The following NCK2 variants were observed in gnomAD, a reference collection of about 807,000 sequenced individuals.
NCK2 encodes NCK adaptor protein 2.
In NCK2, 16 loss-of-function variants were observed where a neutral mutation model predicts 33.9. The ratio of observed to expected loss-of-function variants is 0.47; its 90% confidence interval spans 0.32 to 0.72. The LOEUF (loss-of-function observed/expected upper bound fraction) is 0.72. NCK2 is among the 30% of genes least tolerant of loss of function. The pLI, the probability that NCK2 is intolerant of heterozygous loss-of-function variation, is 0.03. For missense variants in NCK2, 418 were observed against 537.3 expected, an observed-to-expected ratio of 0.78 and a Z score of 2.19; for synonymous variants, 273 against 239.9, an observed-to-expected ratio of 1.14 and a Z score of -1.27.
intron 3 of NCK2, among the ~76,000 whole-genome samples, chr2:105,870,160 A>G (rs1035440437): frequency 2.6e-5 from 4 of 152,208 alleles, no homozygotes; most frequent in African/African-American, 7.2e-5. Flanking sequence ...CCCCACCTGT[A>G]TGGGCTGAAG....
At chr2:105,816,913 G>C (rs1438589459) in intron 2 of NCK2, among the ~76,000 whole-genome samples, 1 of 152,120 alleles carries the variant, frequency 6.6e-6, no homozygotes, top group African/African-American at 2.4e-5. Flanking sequence ...CCTGGTCCCT[G>C]TATTCTGTAT....
chr2:105,806,471 T>C (rs1033803763), intron 1 of NCK2, among the ~76,000 whole-genome samples: 4 of 152,144 alleles, frequency 2.6e-5, no homozygotes, highest in African/African-American at 9.7e-5. Context: ...TCTCTTGACC[T>C]CGTGATCCAC....
chr2:105,881,291 G>A (rs1398531110), intron 3 of NCK2, 37 bp from the exon 4 acceptor site: 3 of 1,544,290 alleles, frequency 1.9e-6, no homozygotes, highest in African/African-American at 1.4e-5. Context: ...TGGTGCCCAA[G>A]TGCCCTGCGC....
intron 1 of NCK2, among the ~76,000 whole-genome samples, chr2:105,763,414 T>C (rs1450698609): frequency 6.6e-6 from 1 of 152,194 alleles, no homozygotes; most frequent in Non-Finnish European, 1.5e-5. Flanking sequence ...AGTCATGCAG[T>C]AACGACAAAA....
At chr2:105,870,659 G>A (rs1558879288) in intron 3 of NCK2, among the ~76,000 whole-genome samples, 2 of 152,118 alleles carry the variant, frequency 1.3e-5, no homozygotes, top group Non-Finnish European at 2.9e-5. Context: ...GGAGACGGAG[G>A]CACAAGAATC....
chr2:105,855,037 T>C lies in NCK2; in HGVS notation c.-16-11T>C. The C allele has an allele frequency of 6.2e-7, 1 of 1,600,916 alleles. No homozygotes were observed. Among genetic ancestry groups the C allele is most frequent in the South Asian group, 1.1e-5 (1 of 90,782 alleles). On this transcript the variant is annotated splice_polypyrimidine_tract_variant and intron_variant, in intron 2 of 4. Transcript: ENST00000233154. Reference sequence around the variant, plus strand: ...TTCTCTAATGAGCATCTCCAAATGTTTTGCTGGCAGAAGGACTCCATGAAA... The same window carrying C: ...TTCTCTAATGAGCATCTCCAAATGTCTTGCTGGCAGAAGGACTCCATGAAA...
intron 3 of NCK2, among the ~76,000 whole-genome samples, chr2:105,866,364 C>A (rs1358962267): frequency 6.6e-6 from 1 of 151,766 alleles, no homozygotes; most frequent in Non-Finnish European, 1.5e-5. Flanking sequence ...TCCTGTTACA[C>A]AGATGGCTTC....
rs559580831 is a variant in NCK2, at chr2:105,749,803, C to T, written c.-201+4665C>T. ...ATGGGCCAGGGTTACCCTGGAAAGC[C>T]TCCTCAAGTTCAGAAAGCTTATTCC... On this transcript the variant is annotated intron_variant, in intron 1 of 4. Transcript: ENST00000233154. Among the ~76,000 whole-genome samples the T allele has an allele frequency of 9.2e-5, 14 of 152,158 alleles. No individual in the cohort carries two copies. In the South Asian group the frequency reaches 2.1e-3, roughly 23 times the overall value.
At chr2:105,760,272 G>A (rs796403018) in intron 1 of NCK2, among the ~76,000 whole-genome samples, 4 of 152,340 alleles carry the variant, frequency 2.6e-5, no homozygotes, top group African/African-American at 9.6e-5. Flanking sequence ...TGATAGGATA[G>A]GATGGTGCCC....
chr2:105,870,333 A>T (rs1677948422), intron 3 of NCK2, among the ~76,000 whole-genome samples: 1 of 152,186 alleles, frequency 6.6e-6, no homozygotes, highest in Non-Finnish European at 1.5e-5. Context: ...TCCCTCAGGG[A>T]TGGCAACTCC....
Position 105,893,230 on chromosome 2 carries a change from C to A in NCK2, c.*54C>A. 3.3e-6 allele frequency: 5 copies of A among 1,498,038 alleles called. No individual in the cohort carries two copies. The highest frequency in any genetic ancestry group is 4.5e-6 in the Non-Finnish European group (5 of 1,115,940). 92.8% of individuals were successfully genotyped at this position (1,498,038 alleles called of 1,614,324 possible). A position where few individuals can be genotyped will look rare whatever the true frequency, so the allele number is the denominator to read the frequency against. ...GGGCCCCACGGTGGAGCTGCCCGCC[C>A]GGCCTTGTGGCAGAGGCTCCTCCCG... On this transcript the variant is annotated 3_prime_UTR_variant, in exon 5 of 5. Coordinates refer to ENST00000233154, the MANE Select transcript of NCK2 (RefSeq NM_003581.5).
At chr2:105,846,319 G>A (rs545665962) in intron 2 of NCK2, among the ~76,000 whole-genome samples, 2 of 152,064 alleles carry the variant, frequency 1.3e-5, no homozygotes, top group Admixed American at 6.6e-5. Context: ...TCTGCAGAAC[G>A]CTAGTGTGTC....
chr2:105,808,964 G>A (rs1484011844), intron 1 of NCK2, among the ~76,000 whole-genome samples: 1 of 152,204 alleles, frequency 6.6e-6, no homozygotes, highest in Admixed American at 6.5e-5. Context: ...CAATTGTTGA[G>A]ATTGGATGAG....
In NCK2 at chr2:105,800,634, A is replaced by C. The variant is rs75403993; in HGVS notation, c.-200-15796A>C. ...TAAGGCCTAAGAACAAGAAACATTC[A>C]TCCTGTTTTTGGTCTGTTTGAGATA... On this transcript the variant is annotated intron_variant, in intron 1 of 4. Coordinates refer to ENST00000233154, the MANE Select transcript of NCK2 (RefSeq NM_003581.5). Among the ~76,000 whole-genome samples, 267 of 152,302 alleles carry C rather than the reference A, an allele frequency of 1.8e-3. 1 individual carries two copies. Among genetic ancestry groups the C allele is most frequent in the African/African-American group, 5.8e-3 (243 of 41,550 alleles).
At chr2:105,779,267 A>G (rs1034667530) in intron 1 of NCK2, among the ~76,000 whole-genome samples, 2 of 144,932 alleles carry the variant, frequency 1.4e-5, no homozygotes, top group East Asian at 2.1e-4. Context: ...AGATTGTGCC[A>G]CTGCACTCCA....
chr2:105,839,130 C>T (rs1395005883), intron 2 of NCK2, among the ~76,000 whole-genome samples: 1 of 152,064 alleles, frequency 6.6e-6, no homozygotes, highest in African/African-American at 2.4e-5. Context: ...AAGAGTCCTG[C>T]AGAGAGCTGG....
At chr2:105,792,904 AGCC>A (rs1257894333) in intron 1 of NCK2, among the ~76,000 whole-genome samples, 1 of 152,180 alleles carries the variant, frequency 6.6e-6, no homozygotes, top group Non-Finnish European at 1.5e-5. Flanking sequence ...TGCACTTGCT[AGCC>A]AGGTGAGGAG....
rs192367447 is a variant in NCK2 at position 105,761,953 on chromosome 2, T to C, written c.-201+16815T>C. 2.6e-5 allele frequency among the ~76,000 whole-genome samples: 4 copies of C among 152,366 alleles called. No individual in the cohort carries two copies. In the East Asian group the frequency reaches 7.7e-4, roughly 29 times the overall value. ...ATCTCTGCCTCTGTGTTACAGTTTA[T>C]GTTTTCTCTTTTGTCCTGCGGATTT... On this transcript the variant is annotated intron_variant, in intron 1 of 4. Coordinates refer to ENST00000233154, the MANE Select transcript of NCK2 (RefSeq NM_003581.5).
At chr2:105,795,549 A>G (rs1233241615) in intron 1 of NCK2, among the ~76,000 whole-genome samples, 1 of 152,210 alleles carries the variant, frequency 6.6e-6, no homozygotes, top group Non-Finnish European at 1.5e-5. Context: ...GCTTTAACAA[A>G]CTTGGTCTAT....
Sources: allele counts gnomAD v4.1 joint callset (sites outside exome capture counted in the v4.1 genomes callset), GRCh38; gene constraint gnomAD v4.1.1; transcripts MANE v1.5; gene names NCBI Gene and HGNC (gene_info 2026-07-23, HGNC 2026-07-21).